PEX19: variants seen among roughly 807,000 people sequenced by gnomAD.
PEX19 encodes 33 kDa housekeeping protein.
A neutral mutation model predicts 36.3 loss-of-function variants in PEX19; 29 were observed. The observed-to-expected ratio is 0.80, with a 90% CI of 0.60 to 1.09. The LOEUF (loss-of-function observed/expected upper bound fraction) is 1.09. PEX19 is among the 50% of genes least tolerant of loss of function. The pLI is 0.00. For synonymous variants in PEX19, 141 were observed against 135.2 expected (o/e 1.04, Z -0.30); for missense variants, 396 against 368.1 (o/e 1.08, Z -0.62).
rs1571133358 is a variant in PEX19, at chr1:160,278,163, T to G, written c.*1388A>C. ...TGTCAGCCAAGGTCCGTAGACCCACTGGGAGCCACAGAAAAAAAGCCACGT... is the reference window on the plus strand; with the variant it reads ...TGTCAGCCAAGGTCCGTAGACCCACGGGGAGCCACAGAAAAAAAGCCACGT... On this transcript the variant is annotated 3_prime_UTR_variant, in exon 8 of 8. Coordinates refer to ENST00000368072, the MANE Select transcript of PEX19 (RefSeq NM_002857.4). 1 of 702,484 alleles carries G rather than the reference T, an allele frequency of 1.4e-6. No individual in the cohort carries two copies. Among genetic ancestry groups the G allele is most frequent in the Non-Finnish European group, 2.6e-6 (1 of 384,984 alleles). The allele number at this position is 702,484 out of a possible 1,614,324, so 43.5% of individuals were successfully genotyped here. A position where few individuals can be genotyped will look rare whatever the true frequency, so the allele number is the denominator to read the frequency against.
intron 7 of PEX19, 31 bp from the exon 8 acceptor site, chr1:160,279,665 T>TG: frequency 6.3e-7 from 1 of 1,593,116 alleles, no homozygotes; most frequent in Non-Finnish European, 8.6e-7. Context: ...CTCAGATAGT[T>TG]GCTCATTTTT....
chr1:160,280,678 C>A (rs1657738341), intron 5 of PEX19, among the ~76,000 whole-genome samples: 1 of 152,042 alleles, frequency 6.6e-6, no homozygotes. Flanking sequence ...ACCACTGTGA[C>A]TGGCTAATTT....
chr1:160,281,936 C>A, intron 5 of PEX19, 103 bp downstream of exon 5: 1 of 979,208 alleles, frequency 1.0e-6, no homozygotes, highest in Non-Finnish European at 1.6e-6. Flanking sequence ...AAAAAAAGCA[C>A]ACTCGAGTTA....
At chr1:160,283,320 T>G (rs954975993) in intron 2 of PEX19, among the ~76,000 whole-genome samples, 1 of 152,156 alleles carries the variant, frequency 6.6e-6, no homozygotes, top group Non-Finnish European at 1.5e-5. Context: ...TCCAACCATT[T>G]AAACCTACTA....
intron 1 of PEX19, 146 bp from the exon 2 acceptor site, chr1:160,283,785 C>T (rs2101806198): frequency 4.3e-6 from 3 of 698,168 alleles, no homozygotes; most frequent in East Asian, 5.4e-5. Context: ...CCCACCTCCC[C>T]AGACCACCCT....
At chr1:160,284,876 C>T (rs932905301) in intron 1 of PEX19, among the ~76,000 whole-genome samples, 179 bp downstream of exon 1, 1 of 152,148 alleles carries the variant, frequency 6.6e-6, no homozygotes, top group African/African-American at 2.4e-5. Context: ...CAGCTCCAGT[C>T]GCCGGGGTGG....
In PEX19 at chr1:160,282,276, T is replaced by C. The variant is rs751891878; in HGVS notation, c.433-76A>G. Reference sequence around the variant, plus strand: ...TCACCACTCTCTCAGGTGACAAAGATAAACTATCTAAACTTGCCTGTAACA... The same window carrying C: ...TCACCACTCTCTCAGGTGACAAAGACAAACTATCTAAACTTGCCTGTAACA... On this transcript the variant is annotated intron_variant, in intron 4 of 7. Transcript: ENST00000368072. The C allele has an allele frequency of 4.2e-4, 634 of 1,511,276 alleles. 1 individual carries two copies. The highest frequency in any genetic ancestry group is 5.6e-4 in the Non-Finnish European group (604 of 1,088,104). 93.6% of individuals were successfully genotyped at this position (1,511,276 alleles called of 1,614,324 possible). A position where few individuals can be genotyped will look rare whatever the true frequency, so the allele number is the denominator to read the frequency against.
chr1:160,280,418 T>C (rs182063725), intron 5 of PEX19, among the ~76,000 whole-genome samples, 172 bp from the exon 6 acceptor site: 1 of 152,266 alleles, frequency 6.6e-6, no homozygotes, highest in East Asian at 1.9e-4. Flanking sequence ...CACCTGGCCA[T>C]GTTAGCATTT....
chr1:160,284,944 T>TA, intron 1 of PEX19, 111 bp downstream of exon 1: 1 of 879,496 alleles, frequency 1.1e-6, no homozygotes, highest in Non-Finnish European at 1.9e-6. Flanking sequence ...CGCCCCCATT[T>TA]AACCTTTGGA....
intron 1 of PEX19, chr1:160,284,019 C>T: frequency 2.1e-6 from 1 of 466,540 alleles, no homozygotes; most frequent in South Asian, 1.6e-5. Context: ...TGTCCTCATC[C>T]CTCTGAACTC....
In PEX19 at chr1:160,279,338, A is replaced by G. The variant is rs1405270111; in HGVS notation, c.*213T>C. The G allele has an allele frequency of 5.8e-6, 4 of 688,776 alleles. 1 individual carries two copies. The Admixed American group carries it at 8.1e-5, about 14-fold the overall frequency. 42.7% of individuals were successfully genotyped at this position (688,776 alleles called of 1,614,324 possible). A position where few individuals can be genotyped will look rare whatever the true frequency, so the allele number is the denominator to read the frequency against. On this transcript the variant is annotated 3_prime_UTR_variant, in exon 8 of 8. Transcript: ENST00000368072. ...TTGATAGTGGCAGAAACCACAATGG[A>G]GTAGGGTTCACAGAAATGGCCTGTG...
In PEX19 at chr1:160,279,443, G is replaced by T; in HGVS notation, c.*108C>A. 1 of 881,874 alleles carries T rather than the reference G, an allele frequency of 1.1e-6. No homozygotes were observed. Among genetic ancestry groups the T allele is most frequent in the Non-Finnish European group, 1.9e-6 (1 of 517,774 alleles). 54.6% of individuals were successfully genotyped at this position (881,874 alleles called of 1,614,324 possible). ...ATCTTGAATGGGATGACAGAGGGCAGCGGGCAGACTTCTCCCGCAGGTGAC... is the reference window on the plus strand; with the variant it reads ...ATCTTGAATGGGATGACAGAGGGCATCGGGCAGACTTCTCCCGCAGGTGAC... On this transcript the variant is annotated 3_prime_UTR_variant, in exon 8 of 8. Coordinates refer to ENST00000368072, the MANE Select transcript of PEX19 (RefSeq NM_002857.4).
chr1:160,279,992 A>G, intron 6 of PEX19, 78 bp downstream of exon 6: 1 of 1,453,812 alleles, frequency 6.9e-7, no homozygotes, highest in Non-Finnish European at 9.7e-7. Context: ...GTCTAGCAGT[A>G]TTGCATCCTT....
chr1:160,284,037 A>T, intron 1 of PEX19: 1 of 471,114 alleles, frequency 2.1e-6, no homozygotes, highest in Non-Finnish European at 4.4e-6. Context: ...CTCACTCTGG[A>T]GCTCTAAAAG....
chr1:160,284,909 T>A, intron 1 of PEX19, 146 bp downstream of exon 1: 1 of 721,884 alleles, frequency 1.4e-6, no homozygotes, highest in South Asian at 1.5e-5. Flanking sequence ...CAGAGATTTT[T>A]GGGGGGCTCG....
At position 160,277,327 on chromosome 1, in the gene PEX19, C is replaced by A. The variant is rs573966291; in HGVS notation, c.*2224G>T. ...CAATGGACTTAACCTACAGAACAGT[C>A]TGGCCAGTTTGGGTGCTGTCAAACT... On this transcript the variant is annotated 3_prime_UTR_variant, in exon 8 of 8. Transcript: ENST00000368072. 5.5e-4 allele frequency: 249 copies of A among 456,078 alleles called. 6 individuals are homozygous for A. The highest frequency in any genetic ancestry group is 2.5e-3 in the South Asian group (164 of 64,566). The allele number at this position is 456,078 out of a possible 1,614,324, so 28.3% of individuals were successfully genotyped here.
chr1:160,280,299 T>C, intron 5 of PEX19, 53 bp from the exon 6 acceptor site: 5 of 1,466,992 alleles, frequency 3.4e-6, no homozygotes, highest in Non-Finnish European at 3.8e-6. Flanking sequence ...TGGATATGGA[T>C]GGGTAATCAG....
chr1:160,277,975 A>G lies in PEX19; in HGVS notation c.*1576T>C. Reference sequence around the variant, plus strand: ...CATTTCCTTCCTCACCAATACCATAAAACATGTAAGGTCTTCAAGGGGTGA... The same window carrying G: ...CATTTCCTTCCTCACCAATACCATAGAACATGTAAGGTCTTCAAGGGGTGA... On this transcript the variant is annotated 3_prime_UTR_variant, in exon 8 of 8. Transcript: ENST00000368072. 2.9e-6 allele frequency: 2 copies of G among 697,840 alleles called. No individual in the cohort carries two copies. Among genetic ancestry groups the G allele is most frequent in the South Asian group, 3.0e-5 (2 of 66,754 alleles). The allele number at this position is 697,840 out of a possible 1,614,324, so 43.2% of individuals were successfully genotyped here.
At chr1:160,284,942 T>A in intron 1 of PEX19, 113 bp downstream of exon 1, 1 of 864,646 alleles carries the variant, frequency 1.2e-6, no homozygotes, top group South Asian at 1.3e-5. Flanking sequence ...TCCGCCCCCA[T>A]TTAACCTTTG....
Sources: allele counts gnomAD v4.1 joint callset (sites outside exome capture counted in the v4.1 genomes callset), GRCh38; gene constraint gnomAD v4.1.1; transcripts MANE v1.5; gene names NCBI Gene and HGNC (gene_info 2026-07-23, HGNC 2026-07-21).